GPC5: variants seen among roughly 807,000 people sequenced by gnomAD.
GPC5 encodes glypican 5, also known as glypican-5.
In GPC5, 47 loss-of-function variants were observed where a neutral mutation model predicts 53.9. That is an observed-to-expected ratio of 0.87 (90% CI 0.69 to 1.11). GPC5 has a LOEUF of 1.11. Ranked by LOEUF, GPC5 falls within the 50% of genes most tolerant of loss-of-function variation. The pLI is 0.00. For synonymous variants in GPC5, 286 were observed against 263.3 expected (o/e 1.09, Z -0.84); for missense variants, 748 against 713.1 (o/e 1.05, Z -0.56).
intron 6 of GPC5, among the ~76,000 whole-genome samples, chr13:92,051,786 G>A (rs1315842596): frequency 6.6e-6 from 1 of 152,178 alleles, no homozygotes; most frequent in African/African-American, 2.4e-5. Flanking sequence ...ACAAGAGTGA[G>A]AGAAGAAGAA....
At chr13:91,410,634 C>G (rs1193877491) in intron 1 of GPC5, among the ~76,000 whole-genome samples, 2 of 152,100 alleles carry the variant, frequency 1.3e-5, no homozygotes, top group Admixed American at 6.5e-5. Flanking sequence ...GCGTGAGCCA[C>G]TACGCCCGGC....
intron 1 of GPC5, among the ~76,000 whole-genome samples, chr13:91,403,702 GGA>G (rs1013827214): frequency 6.6e-6 from 1 of 152,098 alleles, no homozygotes; most frequent in African/African-American, 2.4e-5. Context: ...TTTTCCCTTG[GGA>G]AGTCCAGTCT....
chr13:91,750,754 C>T (rs1256444227), intron 4 of GPC5, among the ~76,000 whole-genome samples: 3 of 141,770 alleles, frequency 2.1e-5, no homozygotes, highest in African/African-American at 7.9e-5. Flanking sequence ...CATCTTGGCT[C>T]ACCACAACCT....
In GPC5 at chr13:91,883,680, G is replaced by A. The variant is rs557590151; in HGVS notation, c.1281-24257G>A. On this transcript the variant is annotated intron_variant, in intron 5 of 7. Coordinates refer to ENST00000377067, the MANE Select transcript of GPC5 (RefSeq NM_004466.6). ...TTAATAGATGATGGCAGAGAAATAA[G>A]CATGAAAAGACAGATTATGGAACGA... Among the ~76,000 whole-genome samples, 32 of 152,276 alleles carry A rather than the reference G, an allele frequency of 2.1e-4. 1 individual carries two copies. The East Asian group carries it at 6.2e-3, about 29-fold the overall frequency.
At chr13:92,454,937 GC>G (rs1187585236) in intron 7 of GPC5, among the ~76,000 whole-genome samples, 1 of 152,132 alleles carries the variant, frequency 6.6e-6, no homozygotes, top group Non-Finnish European at 1.5e-5. Context: ...AAGAACATAG[GC>G]TATTATAATC....
Position 92,670,837 on chromosome 13 carries a change from C to T in GPC5, c.1562-195445C>T, listed in dbSNP as rs556059890. 4.2e-4 allele frequency among the ~76,000 whole-genome samples: 64 copies of T among 152,288 alleles called. 1 individual carries two copies. Among genetic ancestry groups the T allele is most frequent in the Admixed American group, 2.6e-3 (39 of 15,284 alleles). ...TGTGTGACATTCTTAAGGCCACATA[C>T]ATAAACACATTTTCATCTATTCCAC... On this transcript the variant is annotated intron_variant, in intron 7 of 7. Transcript: ENST00000377067.
rs759173637 is a variant in GPC5, at chr13:92,144,879, T to C, written c.1451T>C (p.Leu484Pro). 26 of 1,611,512 alleles carry C rather than the reference T, an allele frequency of 1.6e-5. No individual in the cohort carries two copies. Among genetic ancestry groups the C allele is most frequent in the Non-Finnish European group, 2.1e-5 (25 of 1,178,970 alleles). ...CCTGACAAGTGGGAACTTCTTCAGC[T>C]GGGCAGTGGTGGAGGCATGGTTGAA... is the stretch of plus-strand genomic sequence containing the variant. Reference protein sequence around the residue: ...PKPDKWELLQLGSGGGMVEQV... With the variant: ...PKPDKWELLQPGSGGGMVEQV... Residue 484 changes from leucine (L) to proline (P), a missense_variant, in exon 7 of 8, where the codon CTG (leucine) becomes CCG (proline). Transcript: ENST00000377067.
In GPC5 at chr13:92,483,749, A is replaced by AT. The variant is rs199727050; in HGVS notation, c.1561+338767dup. ...AAAACATACTGTACAGTTATACCTG[A>AT]TTTTTTTGTTATATTATTCTAAAGC... On this transcript the variant is annotated intron_variant, in intron 7 of 7. Transcript: ENST00000377067. Among the ~76,000 whole-genome samples the AT allele has an allele frequency of 4.5e-3, 676 of 150,938 alleles. 6 individuals are homozygous for AT. The highest frequency in any genetic ancestry group is 0.015 in the African/African-American group (622 of 41,168).
chr13:92,611,356 A>G (rs1191582464), intron 7 of GPC5, among the ~76,000 whole-genome samples: 1 of 152,188 alleles, frequency 6.6e-6, no homozygotes, highest in African/African-American at 2.4e-5. Context: ...GGCATCTTCC[A>G]TACTTTTTCT....
rs1488808668 is a variant in GPC5, at chr13:92,301,912, AT to A, written c.1561+156925del. 6.7e-5 allele frequency among the ~76,000 whole-genome samples: 10 copies of A among 149,974 alleles called. No homozygotes were observed. In the East Asian group the frequency reaches 9.7e-4, roughly 15 times the overall value. ...GACTGTCTCAAAAATAAATAAATAA[AT>A]TAATTAATTAATTAATATCGACCAC... On this transcript the variant is annotated intron_variant, in intron 7 of 7. Transcript: ENST00000377067.
chr13:92,084,977 G>C (rs1268882215), intron 6 of GPC5, among the ~76,000 whole-genome samples: 1 of 152,186 alleles, frequency 6.6e-6, no homozygotes, highest in Non-Finnish European at 1.5e-5. Context: ...GCAAGAGCTT[G>C]CTCTCTACTT....
intron 2 of GPC5, among the ~76,000 whole-genome samples, chr13:91,622,684 T>C (rs2033894003): frequency 6.6e-6 from 1 of 152,146 alleles, no homozygotes; most frequent in Non-Finnish European, 1.5e-5. Context: ...GTGTCTGCCA[T>C]GAGATGCCTT....
intron 7 of GPC5, among the ~76,000 whole-genome samples, chr13:92,386,604 C>G (rs914438008): frequency 6.6e-6 from 1 of 151,976 alleles, no homozygotes; most frequent in African/African-American, 2.4e-5. Flanking sequence ...GTTGTAATCA[C>G]TGAATGGGAA....
At chr13:91,977,456 T>A (rs945432830) in intron 6 of GPC5, among the ~76,000 whole-genome samples, 3 of 152,218 alleles carry the variant, frequency 2.0e-5, no homozygotes, top group Admixed American at 6.5e-5. Context: ...ATTTTATGAC[T>A]GTGCAACATG....
chr13:92,348,557 A>T (rs1477388455), intron 7 of GPC5, among the ~76,000 whole-genome samples: 3 of 152,166 alleles, frequency 2.0e-5, no homozygotes, highest in Admixed American at 6.5e-5. Flanking sequence ...ATCGACATGA[A>T]CAACATATTA....
intron 2 of GPC5, among the ~76,000 whole-genome samples, chr13:91,635,090 AG>A (rs2034254427): frequency 6.6e-6 from 1 of 152,114 alleles, no homozygotes; most frequent in Non-Finnish European, 1.5e-5. Flanking sequence ...ATTGAGACAG[AG>A]GGAAGTGATT....
intron 7 of GPC5, among the ~76,000 whole-genome samples, chr13:92,156,891 C>T (rs920022981): frequency 6.6e-6 from 1 of 151,758 alleles, no homozygotes; most frequent in Admixed American, 6.6e-5. Flanking sequence ...TATTAAACAG[C>T]AGTGTTTTTA....
chr13:91,785,287 A>C (rs985138068), intron 5 of GPC5, among the ~76,000 whole-genome samples: 1 of 152,212 alleles, frequency 6.6e-6, no homozygotes, highest in Non-Finnish European at 1.5e-5. Flanking sequence ...TGAGCATTGT[A>C]GGATGTTCAG....
At chr13:91,763,845 C>T (rs1034582685) in intron 5 of GPC5, among the ~76,000 whole-genome samples, 1 of 152,114 alleles carries the variant, frequency 6.6e-6, no homozygotes, top group African/African-American at 2.4e-5. Context: ...CAGGACCTCT[C>T]TCAGGTACCA....
Sources: allele counts gnomAD v4.1 joint callset (sites outside exome capture counted in the v4.1 genomes callset), GRCh38; gene constraint gnomAD v4.1.1; transcripts MANE v1.5; gene names NCBI Gene and HGNC (gene_info 2026-07-23, HGNC 2026-07-21).